The following SLC15A1 variants were observed in gnomAD, a reference collection of about 807,000 sequenced individuals.
SLC15A1 encodes the protein Caco-2 oligopeptide transporter.
Under a neutral mutation model 92.9 loss-of-function variants are expected in SLC15A1, and 83 were observed. The ratio of observed to expected loss-of-function variants is 0.89; its 90% CI spans 0.75 to 1.07. The LOEUF is 1.07. Among genes scored for constraint, SLC15A1 ranks in the 50% least tolerant of loss-of-function variants. SLC15A1 has a pLI of 0.00. For synonymous variants in SLC15A1, 322 were observed against 318.2 expected, an observed-to-expected ratio of 1.01 and a Z score of -0.13; for missense variants, 857 against 880.1, an observed-to-expected ratio of 0.97 and a Z score of 0.33.
chr13:98,688,670 AT>A, intron 18 of SLC15A1, 93 bp from the exon 19 acceptor site: 2 of 833,908 alleles, frequency 2.4e-6, no homozygotes, highest in Non-Finnish European at 3.9e-6. Context: ...AATACTCCCT[AT>A]TTTGAAGGAG....
chr13:98,690,889 CT>C (rs991667569), intron 18 of SLC15A1, among the ~76,000 whole-genome samples: 1 of 152,190 alleles, frequency 6.6e-6, no homozygotes, highest in African/African-American at 2.4e-5. Context: ...CCCTGGCCCC[CT>C]GGCAGCCATT....
intron 18 of SLC15A1, among the ~76,000 whole-genome samples, chr13:98,693,096 T>G (rs1455071859): frequency 7.4e-6 from 1 of 135,472 alleles, no homozygotes. Flanking sequence ...CGTTTTTTTT[T>G]TTTTTTTTTT....
chr13:98,692,424 G>T (rs1417523818), intron 18 of SLC15A1, among the ~76,000 whole-genome samples: 1 of 152,052 alleles, frequency 6.6e-6, no homozygotes, highest in African/African-American at 2.4e-5. Flanking sequence ...CTCCCAAAGT[G>T]CTGGGATTAC....
At chr13:98,738,199 AG>A (rs2088410336) in intron 1 of SLC15A1, among the ~76,000 whole-genome samples, 1 of 152,244 alleles carries the variant, frequency 6.6e-6, no homozygotes, top group Admixed American at 6.5e-5. Flanking sequence ...TTATATTTAA[AG>A]GGGAAGTAGA....
intron 18 of SLC15A1, among the ~76,000 whole-genome samples, chr13:98,690,650 C>T (rs2087967451): frequency 6.6e-6 from 1 of 152,114 alleles, no homozygotes; most frequent in Admixed American, 6.5e-5. Context: ...GGGATGGGGT[C>T]TGGGAAATGC....
At chr13:98,703,409 G>A (rs2088085486) in intron 17 of SLC15A1, among the ~76,000 whole-genome samples, 1 of 151,958 alleles carries the variant, frequency 6.6e-6, no homozygotes, top group South Asian at 2.1e-4. Flanking sequence ...CCCTAATTAA[G>A]CAAATGACCA....
At chr13:98,731,813 A>C (rs2088352821) in intron 1 of SLC15A1, among the ~76,000 whole-genome samples, 1 of 152,226 alleles carries the variant, frequency 6.6e-6, no homozygotes, top group Non-Finnish European at 1.5e-5. Flanking sequence ...GAGGTCATTC[A>C]GAAAGCTTAG....
At chr13:98,740,047 G>T (rs567623358) in intron 1 of SLC15A1, among the ~76,000 whole-genome samples, 1 of 152,320 alleles carries the variant, frequency 6.6e-6, no homozygotes, top group Non-Finnish European at 1.5e-5. Context: ...CACGCTGGAA[G>T]TCAGACCATG....
intron 1 of SLC15A1, among the ~76,000 whole-genome samples, chr13:98,749,450 C>A (rs1298491835): frequency 6.6e-6 from 1 of 152,138 alleles, no homozygotes; most frequent in Non-Finnish European, 1.5e-5. Context: ...TTTTCAGAGT[C>A]CATTTAGCAT....
intron 17 of SLC15A1, 141 bp downstream of exon 17, chr13:98,704,148 T>C (rs929709389): frequency 1.6e-5 from 11 of 702,580 alleles, no homozygotes; most frequent in Non-Finnish European, 2.3e-5. Context: ...GTTCTTGAAG[T>C]CTTGTGTTCC....
chr13:98,737,736 A>C (rs1349284778), intron 1 of SLC15A1, among the ~76,000 whole-genome samples: 1 of 152,236 alleles, frequency 6.6e-6, no homozygotes, highest in Non-Finnish European at 1.5e-5. Flanking sequence ...CCTAACACAG[A>C]AAAATGGTAC....
At chr13:98,703,539 CTTT>C (rs771426478) in intron 17 of SLC15A1, among the ~76,000 whole-genome samples, 429 of 84,944 alleles carry the variant, frequency 5.1e-3, no homozygotes, top group East Asian at 0.014. Flanking sequence ...GCTGCTGCTG[CTTT>C]TTTTTTTTTT....
chr13:98,692,136 C>CTTTTTTTTT (rs528865683), intron 18 of SLC15A1, among the ~76,000 whole-genome samples: 2 of 67,614 alleles, frequency 3.0e-5, no homozygotes, highest in African/African-American at 4.4e-5. Flanking sequence ...TTCTCCTAAA[C>CTTTTTTTTT]TTTTTTTTTT....
chr13:98,716,029 G>A (rs529786798), intron 8 of SLC15A1, 69 bp from the exon 9 acceptor site: 37 of 1,249,276 alleles, frequency 3.0e-5, no homozygotes, highest in South Asian at 1.6e-4. Context: ...AGAGAGATGC[G>A]CCTTTATTTG....
In SLC15A1 at chr13:98,709,585, C is replaced by A; in HGVS notation, c.1054G>T (p.Gly352Cys). Residue 352 changes from glycine to cysteine, a missense_variant, in exon 14 of 23, where the codon GGC becomes TGC. Physicochemically the swap from Gly to Cys is radical, Grantham distance 159 (BLOSUM62 -3). Coordinates refer to ENST00000376503, the MANE Select transcript of SLC15A1 (RefSeq NM_005073.4). ...CCCGTCACCTACGTGAAATTGAAGC[C>A]ACATTTTGCAATGAGAGGGTACAGC... ...AVLYPLIAKC[G>C]FNFTSLKKMA... 5 of 1,614,130 alleles carry A rather than the reference C, an allele frequency of 3.1e-6. No homozygotes were observed. Among genetic ancestry groups the A allele is most frequent in the Non-Finnish European group, 4.2e-6 (5 of 1,180,030 alleles).
chr13:98,712,020 A>T, intron 10 of SLC15A1, 77 bp from the exon 11 acceptor site: 1 of 1,049,556 alleles, frequency 9.5e-7, no homozygotes, highest in Non-Finnish European at 1.5e-6. Context: ...GGTGCTGCTG[A>T]TTTCAGTGGA....
chr13:98,736,888 G>A (rs1375706167), intron 1 of SLC15A1, among the ~76,000 whole-genome samples: 2 of 152,172 alleles, frequency 1.3e-5, no homozygotes, highest in Non-Finnish European at 2.9e-5. Flanking sequence ...CTTTTACACT[G>A]TTGGTGGGAG....
intron 5 of SLC15A1, among the ~76,000 whole-genome samples, chr13:98,723,559 G>A (rs2088275985): frequency 6.6e-6 from 1 of 152,152 alleles, no homozygotes; most frequent in South Asian, 2.1e-4. Flanking sequence ...CCAAGGTCCT[G>A]GAGTCCTGAG....
At chr13:98,703,583 G>T (rs1260702040) in intron 17 of SLC15A1, among the ~76,000 whole-genome samples, 7 of 105,366 alleles carry the variant, frequency 6.6e-5, no homozygotes, top group Admixed American at 3.5e-4. Context: ...TTGAGACAGG[G>T]TCTTGTTCTG....
Sources: gnomAD v4.1 joint callset for allele counts (sites outside exome capture counted in the v4.1 genomes callset) on GRCh38, gnomAD v4.1.1 for gene constraint, MANE v1.5 for transcripts, NCBI Gene and HGNC (gene_info 2026-07-23, HGNC 2026-07-21) for gene names.